The following SPTB variants were observed in gnomAD, a reference collection of about 807,000 sequenced individuals.
SPTB encodes spectrin beta chain, erythrocytic.
Under a neutral mutation model 256.2 loss-of-function variants are expected in SPTB, and 45 were observed. That is an observed-to-expected ratio of 0.18 (90% CI 0.14 to 0.23). The LOEUF is 0.23. SPTB is among the 10% of genes least tolerant of loss of function. The probability of loss-of-function intolerance (pLI) is 1.00; values close to 1 mark genes in which losing one functional copy is unlikely to be tolerated. For missense variants in SPTB, 2,715 were observed against 3,040.4 expected, an observed-to-expected ratio of 0.89 and a Z score of 2.52; for synonymous variants, 1,231 against 1,243.1, an observed-to-expected ratio of 0.99 and a Z score of 0.21.
chr14:64,759,550 C>T lies in SPTB; in HGVS notation c.6346-5757G>A, dbSNP rs1014477093. On this transcript the variant is annotated intron_variant, in intron 32 of 35. Coordinates refer to ENST00000644917, the MANE Select transcript of SPTB (RefSeq NM_001355436.2). The surrounding 1 kb of genome is among the most constrained non-coding windows in gnomAD (Gnocchi z 4.8). ...GGTCTGAGGTGGGGACTGCCTTACC[C>T]GACAGGAGGCGAGATCTATGGACAG... Among the ~76,000 whole-genome samples, 4 of 152,190 alleles carry T rather than the reference C, an allele frequency of 2.6e-5. No homozygotes were observed. The highest frequency in any genetic ancestry group is 6.5e-5 in the Admixed American group (1 of 15,284).
rs376631142 is a variant in SPTB, at chr14:64,791,706, A to G, written c.2804+13T>C. 2 of 1,613,454 alleles carry G rather than the reference A, an allele frequency of 1.2e-6. No individual in the cohort carries two copies. ...AGACAATGCCCCCGCCCCATGCCCT[A>G]CCCACACCCCACCTGGTGTTCAGAT... On this transcript the variant is annotated intron_variant, in intron 15 of 35. Transcript: ENST00000644917.
chr14:64,808,255 A>G (rs1336542630), intron 2 of SPTB, among the ~76,000 whole-genome samples: 10 of 151,824 alleles, frequency 6.6e-5, no homozygotes, highest in Non-Finnish European at 1.5e-5. Context: ...CTCATGATCC[A>G]CCTGTCTTGA....
In SPTB at chr14:64,844,651, AT is replaced by A. The variant is rs1393399464; in HGVS notation, c.-51-21507del. On this transcript the variant is annotated intron_variant, in intron 1 of 35. Transcript: ENST00000644917. This position sits in a 1 kb window ranked among gnomAD's most constrained non-coding sequence, Gnocchi z 4.1. ...TGTTAATAACAGTCCAGCAATTCACATTAACATTTAGCAGGGCTTTAATTGA... is the reference window on the plus strand; with the variant it reads ...TGTTAATAACAGTCCAGCAATTCACATAACATTTAGCAGGGCTTTAATTGA... Among the ~76,000 whole-genome samples, 6 of 152,236 alleles carry A rather than the reference AT, an allele frequency of 3.9e-5. No individual in the cohort carries two copies. The highest frequency in any genetic ancestry group is 7.3e-5 in the Non-Finnish European group (5 of 68,036).
chr14:64,822,397 CACACA>C (rs2083307563), intron 2 of SPTB, among the ~76,000 whole-genome samples: 1 of 145,774 alleles, frequency 6.9e-6, no homozygotes, highest in Non-Finnish European at 1.5e-5. Flanking sequence ...CACACACACA[CACACA>C]GAGAGATCTA....
chr14:64,766,564 C>G lies in SPTB; in HGVS notation c.6345+162G>C, dbSNP rs229601. The G allele has an allele frequency of 0.02, 31,963 of 1,577,790 alleles. 1,028 individuals carry two copies. The highest frequency in any genetic ancestry group is 0.14 in the African/African-American group (10,052 of 74,182). ...CTCATGAAGAACACCTCAGTGAGGA[C>G]GTAGCCTGCTCTGCTGGGAGGTGGC... On this transcript the variant is annotated intron_variant, in intron 32 of 35. Coordinates refer to ENST00000644917, the MANE Select transcript of SPTB (RefSeq NM_001355436.2).
chr14:64,794,713 T>C, intron 12 of SPTB, 96 bp from the exon 13 acceptor site: 1 of 1,494,608 alleles, frequency 6.7e-7, no homozygotes, highest in South Asian at 1.1e-5. Context: ...TCTAGTAATC[T>C]GAGCAAGGGT....
At position 64,827,837 on chromosome 14, in the gene SPTB, A is replaced by G. The variant is rs2083397266; in HGVS notation, c.-51-4692T>C. Among the ~76,000 whole-genome samples, 1 of 152,170 alleles carries G rather than the reference A, an allele frequency of 6.6e-6. No homozygotes were observed. Among genetic ancestry groups the G allele is most frequent in the Non-Finnish European group, 1.5e-5 (1 of 68,028 alleles). On this transcript the variant is annotated intron_variant, in intron 1 of 35. Coordinates refer to ENST00000644917, the MANE Select transcript of SPTB (RefSeq NM_001355436.2). This position sits in a 1 kb window ranked among gnomAD's most constrained non-coding sequence, Gnocchi z 4.6. Reference sequence around the variant, plus strand: ...ATTACAGCTCAGTCTCAATATGGCTAAGACTGAGCATGGGGCTACCAGGAC... The same window carrying G: ...ATTACAGCTCAGTCTCAATATGGCTGAGACTGAGCATGGGGCTACCAGGAC...
chr14:64,776,839 A>AT (rs1251256905), intron 22 of SPTB, among the ~76,000 whole-genome samples: 2 of 152,208 alleles, frequency 1.3e-5, no homozygotes, highest in East Asian at 3.8e-4. Context: ...TCATTCAACA[A>AT]CTATGTATTA....
rs1328906383 is a variant in SPTB, at chr14:64,827,167, C to T, written c.-51-4022G>A. ...CCAAGCTAGGACCCATGTCAGCCCT[C>T]GCCGAAGCCCCGAGCAGAAGAGGCA... On this transcript the variant is annotated intron_variant, in intron 1 of 35. Coordinates refer to ENST00000644917, the MANE Select transcript of SPTB (RefSeq NM_001355436.2). This position sits in a 1 kb window ranked among gnomAD's most constrained non-coding sequence, Gnocchi z 4.6. Among the ~76,000 whole-genome samples the T allele has an allele frequency of 2.6e-5, 4 of 152,162 alleles. No homozygotes were observed. The highest frequency in any genetic ancestry group is 1.9e-4 in the East Asian group (1 of 5,196).
At position 64,750,141 on chromosome 14, in the gene SPTB, G is replaced by A; in HGVS notation, c.6616C>T (p.Leu2206=). 1 of 1,612,612 alleles carries A rather than the reference G, an allele frequency of 6.2e-7. No individual in the cohort carries two copies. The highest frequency in any genetic ancestry group is 2.2e-5 in the East Asian group (1 of 44,850). The stretch of plus-strand genomic sequence containing the variant: ...TCACTGTTCCTGAGCACACAGTACA[G>A]GTTGTTCCAGGACCTGCAAAGATGC... The part of the protein sequence containing the change: ...KKASNRSWNN[L]YCVLRNSELT... The change falls in exon 34 of 36, where the codon CTG becomes TTG. Residue 2206 remains leucine, a synonymous_variant. Coordinates refer to ENST00000644917, the MANE Select transcript of SPTB (RefSeq NM_001355436.2).
At chr14:64,753,415 A>G in intron 33 of SPTB, 122 bp downstream of exon 33, 2 of 1,498,324 alleles carry the variant, frequency 1.3e-6, no homozygotes, top group Admixed American at 1.8e-5. Context: ...AGGAGCTCTC[A>G]CAGGCCAAGG....
At chr14:64,832,179 C>T (rs2083462128) in intron 1 of SPTB, among the ~76,000 whole-genome samples, 1 of 152,210 alleles carries the variant, frequency 6.6e-6, no homozygotes, top group Non-Finnish European at 1.5e-5. Context: ...CCTCAAGTCA[C>T]TCAACTCACT....
At chr14:64,753,053 ATCAC>A (rs2081974057) in intron 33 of SPTB, among the ~76,000 whole-genome samples, 1 of 152,274 alleles carries the variant, frequency 6.6e-6, no homozygotes, top group South Asian at 2.1e-4. Flanking sequence ...CCCCATCCCC[ATCAC>A]TCCCATTTTA....
intron 4 of SPTB, among the ~76,000 whole-genome samples, chr14:64,803,313 G>A (rs930201992): frequency 1.3e-5 from 2 of 151,870 alleles, no homozygotes; most frequent in African/African-American, 2.4e-5. Context: ...TGTATAGGGG[G>A]AGGAGGCTAA....
In SPTB at chr14:64,782,540, A is replaced by G. The variant is rs746365542; in HGVS notation, c.4016T>C (p.Leu1339Pro). Residue 1339 changes from leucine (L) to proline (P), a missense_variant, in exon 20 of 36, where the codon CTG becomes CCG. This residue lies in a region of SPTB where 2,239 missense variants were observed against 2,384.4 expected (regional missense o/e 0.94). Transcript: ENST00000644917. ...TGTAAACTGGGGCTTCTCATCCATC[A>G]GCTGCTTTCCTTCCTAGGGGCAAGA... The part of the protein sequence containing the change: ...LENIDAEGKQ[L>P]MDEKPQFTAL... The G allele has an allele frequency of 6.2e-7, 1 of 1,613,794 alleles. No individual in the cohort carries two copies. The highest frequency in any genetic ancestry group is 1.3e-5 in the African/African-American group (1 of 74,930).
In SPTB at chr14:64,796,862, C is replaced by T; in HGVS notation, c.1183-147G>A. ...GGTGACGTGGTAGCAGATTAAAGAT[C>T]AATAAAAGCCTTTGGCTTTCATGTC... On this transcript the variant is annotated intron_variant, in intron 10 of 35. Coordinates refer to ENST00000644917, the MANE Select transcript of SPTB (RefSeq NM_001355436.2). This position sits in a 1 kb window ranked among gnomAD's most constrained non-coding sequence, Gnocchi z 4.1. 3.8e-6 allele frequency: 4 copies of T among 1,041,730 alleles called. No individual in the cohort carries two copies. Among genetic ancestry groups the T allele is most frequent in the South Asian group, 2.8e-5 (2 of 71,412 alleles). 64.5% of individuals were successfully genotyped at this position (1,041,730 alleles called of 1,614,324 possible).
chr14:64,840,565 C>T (rs230702), intron 1 of SPTB, among the ~76,000 whole-genome samples: 108,308 of 152,160 alleles, frequency 0.71, 39,449 homozygotes, highest in Non-Finnish European at 0.8. Context: ...TGCACTCATT[C>T]TTGCAGTGGA....
chr14:64,754,980 G>C (rs1340351420), intron 32 of SPTB: 1 of 152,354 alleles, frequency 6.6e-6, no homozygotes, highest in Admixed American at 6.5e-5. Flanking sequence ...CGGTCCCAAA[G>C]ACCTGACTGC....
In SPTB at chr14:64,795,334, C is replaced by T. The variant is rs1393244928; in HGVS notation, c.1644+3G>A. On this transcript the variant is annotated splice_donor_region_variant and intron_variant, in intron 12 of 35. Transcript: ENST00000644917. The surrounding 1 kb of genome is among the most constrained non-coding windows in gnomAD (Gnocchi z 6.5). ...CATGGCGGGGGCGGCCCCCAGGGCC[C>T]ACCTTGATCTCATCCATCCAGTCGA... 1.2e-6 allele frequency: 2 copies of T among 1,605,168 alleles called. No homozygotes were observed. Among genetic ancestry groups the T allele is most frequent in the East Asian group, 4.5e-5 (2 of 44,870 alleles).
Sources: allele counts gnomAD v4.1 joint callset (sites outside exome capture counted in the v4.1 genomes callset), GRCh38; gene constraint gnomAD v4.1.1; regional missense constraint gnomAD v4.1.1; non-coding constraint Gnocchi (gnomAD v3.1); transcripts MANE v1.5; gene names NCBI Gene and HGNC (gene_info 2026-07-23, HGNC 2026-07-21).